Variants in TSPAN15 observed in about 807,000 individuals in gnomAD.
The protein encoded by TSPAN15 is tetraspanin-15.
Under a neutral mutation model 34.5 loss-of-function variants are expected in TSPAN15, and 20 were observed. That is an observed-to-expected ratio of 0.58 (90% confidence interval 0.41 to 0.84). TSPAN15 has a LOEUF of 0.84. Ranked by LOEUF, TSPAN15 falls within the 40% of genes least tolerant of loss-of-function variation. The pLI, the probability that TSPAN15 is intolerant of heterozygous loss-of-function variation, is 0.00. For missense variants in TSPAN15, 313 were observed against 386.1 expected (o/e 0.81, Z 1.59); for synonymous variants, 155 against 153.9 (o/e 1.01, Z -0.05).
chr10:69,483,331 G>A (rs181600261), intron 1 of TSPAN15, among the ~76,000 whole-genome samples: 3 of 152,160 alleles, frequency 2.0e-5, no homozygotes, highest in South Asian at 2.1e-4. Flanking sequence ...GCTTGTAGAC[G>A]CTGCCTTCTC....
chr10:69,476,975 C>T (rs1169895879), intron 1 of TSPAN15, among the ~76,000 whole-genome samples: 1 of 152,072 alleles, frequency 6.6e-6, no homozygotes, highest in Non-Finnish European at 1.5e-5. Flanking sequence ...GCCAGGACCT[C>T]CTATCCTTGG....
At chr10:69,511,003 C>T (rs545993791), downstream of TSPAN15, among the ~76,000 whole-genome samples, 4 of 152,218 alleles carry the variant, frequency 2.6e-5, no homozygotes, top group African/African-American at 9.6e-5. Context: ...ATTTTTGCAT[C>T]GTTGTTCATC....
At chr10:69,453,223 G>C (rs1841012961) in intron 1 of TSPAN15, among the ~76,000 whole-genome samples, 2 of 152,136 alleles carry the variant, frequency 1.3e-5, no homozygotes, top group African/African-American at 4.8e-5. Flanking sequence ...ATGGGAGTGG[G>C]GGTGATTTGA....
chr10:69,542,226 C>T, the TSPAN15 span, among the ~76,000 whole-genome samples: 1 of 152,162 alleles, frequency 6.6e-6, no homozygotes, highest in African/African-American at 2.4e-5. Context: ...CTCCAGTTTC[C>T]AACAAGTTCC....
At chr10:69,474,533 C>A (rs1257198399) in intron 1 of TSPAN15, among the ~76,000 whole-genome samples, 2 of 152,160 alleles carry the variant, frequency 1.3e-5, no homozygotes, top group African/African-American at 4.8e-5. Context: ...ATCTTACTCA[C>A]TTCTGCTGGT....
chr10:69,495,324 G>A (rs893641925), intron 3 of TSPAN15: 3 of 395,550 alleles, frequency 7.6e-6, no homozygotes, highest in African/African-American at 4.1e-5. Flanking sequence ...GGCCTGGGCT[G>A]TCTGGTCTGC....
At chr10:69,543,883 G>GTA in the TSPAN15 span, among the ~76,000 whole-genome samples, 12 of 146,094 alleles carry the variant, frequency 8.2e-5, no homozygotes, top group African/African-American at 3.0e-4. Context: ...GTGTGTGTGT[G>GTA]TGTGTGTGTG....
chr10:69,523,453 C>A, the TSPAN15 span: 2 of 552,464 alleles, frequency 3.6e-6, no homozygotes, highest in Non-Finnish European at 6.7e-6. Context: ...TAACCTGGCC[C>A]AAAGGGGCTT....
chr10:69,543,491 G>C, the TSPAN15 span, among the ~76,000 whole-genome samples: 2 of 152,168 alleles, frequency 1.3e-5, no homozygotes, highest in East Asian at 3.9e-4. Context: ...GCAGTCCAAG[G>C]GGACTACTAG....
the TSPAN15 span, among the ~76,000 whole-genome samples, chr10:69,535,170 C>T: frequency 6.6e-6 from 1 of 152,128 alleles, no homozygotes; most frequent in African/African-American, 2.4e-5. Context: ...AAGATTATAG[C>T]ACTGAAATAC....
chr10:69,455,118 C>T (rs1287991078), intron 1 of TSPAN15, among the ~76,000 whole-genome samples: 3 of 145,646 alleles, frequency 2.1e-5, no homozygotes, highest in Non-Finnish European at 3.0e-5. Flanking sequence ...GCCTAGATAG[C>T]GCCACTGCAT....
At chr10:69,473,566 G>A (rs1374153493) in intron 1 of TSPAN15, among the ~76,000 whole-genome samples, 1 of 152,168 alleles carries the variant, frequency 6.6e-6, no homozygotes, top group African/African-American at 2.4e-5. Flanking sequence ...GCCAGGATTT[G>A]AGGGGAATTT....
chr10:69,468,131 G>A (rs1048414990), intron 1 of TSPAN15, among the ~76,000 whole-genome samples: 4 of 128,532 alleles, frequency 3.1e-5, no homozygotes, highest in Admixed American at 8.3e-5. Flanking sequence ...CCTCCCCCAC[G>A]TTCTCATTAG....
chr10:69,494,818 TA>T, intron 3 of TSPAN15: 1 of 985,556 alleles, frequency 1.0e-6, no homozygotes, highest in Non-Finnish European at 1.2e-6. Context: ...CTGCGATTGT[TA>T]CAGTGAGCTG....
chr10:69,543,189 G>C, the TSPAN15 span, among the ~76,000 whole-genome samples: 1 of 152,162 alleles, frequency 6.6e-6, no homozygotes, highest in Non-Finnish European at 1.5e-5. Flanking sequence ...TGTGGTTCAA[G>C]CTAAGTATGG....
intron 1 of TSPAN15, among the ~76,000 whole-genome samples, chr10:69,453,630 T>A (rs13377102): frequency 0.11 from 17,511 of 152,314 alleles, 1,100 homozygotes; most frequent in Non-Finnish European, 0.13. Flanking sequence ...CCTCACTGAA[T>A]TGTTTTAGGA....
rs147803871 is a variant in TSPAN15 at position 69,501,773 on chromosome 10, A to G, written c.571-2665A>G. Among the ~76,000 whole-genome samples, 361 of 152,306 alleles carry G rather than the reference A, an allele frequency of 2.4e-3. 4 individuals carry two copies. The highest frequency in any genetic ancestry group is 0.01 in the Middle Eastern group (3 of 294). ...CTTGTTAGGAACCAGGTCGCACAAC[A>G]GGAGGTGGGCAGAGGTTGAGGGAGC... On this transcript the variant is annotated intron_variant, in intron 5 of 7. Coordinates refer to ENST00000373290, the MANE Select transcript of TSPAN15 (RefSeq NM_012339.5).
the TSPAN15 span, among the ~76,000 whole-genome samples, chr10:69,540,133 C>T: frequency 1.3e-5 from 2 of 152,014 alleles, no homozygotes; most frequent in Admixed American, 1.3e-4. Context: ...TCAAGTGATC[C>T]ACCTGCCTCG....
chr10:69,460,861 G>GACAT (rs1841237215), intron 1 of TSPAN15, among the ~76,000 whole-genome samples: 1 of 152,144 alleles, frequency 6.6e-6, no homozygotes, highest in Non-Finnish European at 1.5e-5. Flanking sequence ...GGTCAGAAAT[G>GACAT]TCCTCTGGGA....
Sources: gnomAD v4.1 joint callset for allele counts (sites outside exome capture counted in the v4.1 genomes callset) on GRCh38, gnomAD v4.1.1 for gene constraint, MANE v1.5 for transcripts, NCBI Gene and HGNC (gene_info 2026-07-23, HGNC 2026-07-21) for gene names.